Variants in CPVL observed in about 807,000 individuals in gnomAD.
CPVL encodes the protein probable serine carboxypeptidase CPVL.
In CPVL, 51 loss-of-function variants were observed where a neutral mutation model predicts 63.7. The observed-to-expected ratio is 0.80, with a 90% CI of 0.64 to 1.01. CPVL has a LOEUF of 1.01. Among genes scored for constraint, CPVL ranks in the 50% least tolerant of loss-of-function variants. The pLI, the probability that CPVL is intolerant of heterozygous loss-of-function variation, is 0.00. For missense variants in CPVL, 530 were observed against 573.1 expected, an observed-to-expected ratio of 0.92 and a Z score of 0.77; for synonymous variants, 195 against 206.0, an observed-to-expected ratio of 0.95 and a Z score of 0.46.
At chr7:29,140,636 T>C (rs1791772200) in intron 1 of CPVL, among the ~76,000 whole-genome samples, 1 of 152,210 alleles carries the variant, frequency 6.6e-6, no homozygotes, top group Non-Finnish European at 1.5e-5. Context: ...TTGCTACTTC[T>C]AACTTTGGGA....
chr7:29,028,432 T>C (rs1465778291), intron 12 of CPVL, among the ~76,000 whole-genome samples: 1 of 152,134 alleles, frequency 6.6e-6, no homozygotes, highest in Admixed American at 6.5e-5. Flanking sequence ...CTGGTGTAGG[T>C]AAAGCTTTTA....
intron 11 of CPVL, among the ~76,000 whole-genome samples, chr7:29,049,332 CA>C (rs953743155): frequency 4.0e-4 from 61 of 152,008 alleles, no homozygotes; most frequent in African/African-American, 1.4e-3. Flanking sequence ...AAACGGGAGA[CA>C]TTACAACCAA....
intron 11 of CPVL, among the ~76,000 whole-genome samples, chr7:29,051,729 A>G (rs530384878): frequency 1.1e-4 from 17 of 152,056 alleles, no homozygotes; most frequent in Admixed American, 5.2e-4. Flanking sequence ...TTGATCAGCA[A>G]TCCCACTACT....
intron 2 of CPVL, among the ~76,000 whole-genome samples, chr7:29,119,522 G>A (rs531718732): frequency 1.5e-4 from 22 of 150,284 alleles, no homozygotes; most frequent in Non-Finnish European, 2.5e-4. Context: ...GCAGATGCAG[G>A]TCATAAATTT....
At chr7:29,181,718 A>G (rs980426855) in intron 4 of CPVL, among the ~76,000 whole-genome samples, 1 of 152,242 alleles carries the variant, frequency 6.6e-6, no homozygotes, top group Non-Finnish European at 1.5e-5. Flanking sequence ...GAAAAACTAA[A>G]TAAAGTAGAC....
chr7:29,176,320 A>G (rs1021156099), intron 5 of CPVL, among the ~76,000 whole-genome samples: 1 of 152,190 alleles, frequency 6.6e-6, no homozygotes, highest in Non-Finnish European at 1.5e-5. Flanking sequence ...ACATTTAGAT[A>G]CACTGTAGGA....
intron 4 of CPVL, among the ~76,000 whole-genome samples, chr7:29,183,287 T>A (rs1798298074): frequency 1.3e-5 from 2 of 152,058 alleles, no homozygotes; most frequent in Non-Finnish European, 2.9e-5. Flanking sequence ...TTTCTCCATG[T>A]TGGTCAGGCT....
chr7:29,128,300 C>T (rs967980530), intron 1 of CPVL: 3 of 150,874 alleles, frequency 2.0e-5, no homozygotes, highest in Non-Finnish European at 2.9e-5. Context: ...TGGATTGTGA[C>T]TCATGTAAAT....
chr7:29,121,199 T>G (rs1789337734), intron 1 of CPVL, 128 bp from the exon 2 acceptor site: 1 of 786,434 alleles, frequency 1.3e-6, no homozygotes, highest in Non-Finnish European at 1.9e-6. Context: ...GCAAGGACCT[T>G]GGATAGCACC....
intron 11 of CPVL, among the ~76,000 whole-genome samples, chr7:29,033,726 G>C (rs1788251850): frequency 6.6e-6 from 1 of 152,206 alleles, no homozygotes; most frequent in Admixed American, 6.5e-5. Context: ...GGTTGGAGTT[G>C]GTCTCCAGCG....
In CPVL at chr7:29,187,110, C is replaced by T. The variant is rs1054797921; in HGVS notation, c.-447-563G>A. Reference sequence around the variant, plus strand: ...AGTGACTTTTCTATATCACTAATGGCAGAAAGCATGGTGAGAGTGGTCATA... The same window carrying T: ...AGTGACTTTTCTATATCACTAATGGTAGAAAGCATGGTGAGAGTGGTCATA... On this transcript the variant is annotated intron_variant, in intron 1 of 16. Transcript: ENST00000409850. Among the ~76,000 whole-genome samples, 19 of 152,218 alleles carry T rather than the reference C, an allele frequency of 1.2e-4. 1 individual carries two copies. The South Asian group carries it at 3.9e-3, about 32-fold the overall frequency.
chr7:29,056,544 A>G (rs1790751457), intron 11 of CPVL, among the ~76,000 whole-genome samples: 1 of 152,140 alleles, frequency 6.6e-6, no homozygotes, highest in African/African-American at 2.4e-5. Context: ...CACTGAATAA[A>G]ATTTCATTGT....
chr7:28,995,249 T>C lies in CPVL; in HGVS notation c.*523A>G, dbSNP rs1197408437. 6.6e-6 allele frequency: 1 copy of C among 152,440 alleles called. No homozygotes were observed. Among genetic ancestry groups the C allele is most frequent in the East Asian group, 1.9e-4 (1 of 5,218 alleles). 9.4% of individuals were successfully genotyped at this position (152,440 alleles called of 1,614,324 possible). A position where few individuals can be genotyped will look rare whatever the true frequency, so the allele number is the denominator to read the frequency against. ...CTCATCATTACTTTTATATATAATA[T>C]TTTTATTTCAAAGAATTCTTTTGTT... is the stretch of plus-strand genomic sequence containing the variant. On this transcript the variant is annotated 3_prime_UTR_variant, in exon 13 of 13. Coordinates refer to ENST00000265394, the MANE Select transcript of CPVL (RefSeq NM_031311.5).
intron 11 of CPVL, among the ~76,000 whole-genome samples, chr7:29,031,325 C>G (rs1371571027): frequency 1.3e-5 from 2 of 152,160 alleles, no homozygotes; most frequent in African/African-American, 2.4e-5. Flanking sequence ...ACTTGCAAAA[C>G]TTCCTTTTTA....
chr7:29,071,571 A>G (rs1783732320), intron 9 of CPVL, among the ~76,000 whole-genome samples: 1 of 152,238 alleles, frequency 6.6e-6, no homozygotes, highest in Non-Finnish European at 1.5e-5. Context: ...CTTAAAATAT[A>G]GCCAAAGTAA....
At chr7:29,055,133 A>G (rs751855481) in intron 11 of CPVL, among the ~76,000 whole-genome samples, 16 of 152,182 alleles carry the variant, frequency 1.1e-4, no homozygotes, top group Non-Finnish European at 1.8e-4. Context: ...CACAGGCTGT[A>G]GCCTGTTTAC....
intron 12 of CPVL, among the ~76,000 whole-genome samples, chr7:29,020,650 G>C (rs1323578658): frequency 1.3e-5 from 2 of 151,226 alleles, no homozygotes; most frequent in East Asian, 1.9e-4. Context: ...AGAAATAAAG[G>C]CTAAAAATTC....
intron 6 of CPVL, among the ~76,000 whole-genome samples, chr7:29,092,178 T>TC (rs1397428532): frequency 1.2e-3 from 162 of 132,158 alleles, no homozygotes; most frequent in African/African-American, 5.6e-3. Context: ...TTTACATTTT[T>TC]CCTTTTTTTT....
At chr7:29,177,887 C>T (rs1797568336) in intron 5 of CPVL, among the ~76,000 whole-genome samples, 1 of 152,160 alleles carries the variant, frequency 6.6e-6, no homozygotes, top group Non-Finnish European at 1.5e-5. Flanking sequence ...TTAGACATTT[C>T]ATAGGTGCCT....
Sources: allele counts gnomAD v4.1 joint callset (sites outside exome capture counted in the v4.1 genomes callset), GRCh38; gene constraint gnomAD v4.1.1; transcripts MANE v1.5; gene names NCBI Gene and HGNC (gene_info 2026-07-23, HGNC 2026-07-21).